EZR: variants seen among roughly 807,000 people sequenced by gnomAD.
The protein encoded by EZR is cytovillin 2.
Under a neutral mutation model 74.8 loss-of-function variants are expected in EZR, and 40 were observed. That is an observed-to-expected ratio of 0.53 (90% confidence interval 0.42 to 0.70). The LOEUF (loss-of-function observed/expected upper bound fraction) is 0.70. Ranked by LOEUF, EZR falls within the 30% of genes least tolerant of loss-of-function variation. EZR has a pLI of 0.00. For synonymous variants in EZR, 341 were observed against 283.3 expected (o/e 1.20, Z -2.05); for missense variants, 678 against 755.8 (o/e 0.90, Z 1.21).
At chr6:158,804,335 A>G (rs953839658) in intron 2 of EZR, among the ~76,000 whole-genome samples, 8 of 152,356 alleles carry the variant, frequency 5.3e-5, no homozygotes, top group African/African-American at 1.9e-4. Flanking sequence ...TATTCTTTCT[A>G]GAAACACAAT....
Position 158,798,840 on chromosome 6 carries a change from G to A in EZR, c.13-9469C>T, listed in dbSNP as rs889710068. Among the ~76,000 whole-genome samples, 7 of 151,830 alleles carry A rather than the reference G, an allele frequency of 4.6e-5. No individual in the cohort carries two copies. In the South Asian group the frequency reaches 1.3e-3, roughly 27 times the overall value. On this transcript the variant is annotated intron_variant, in intron 2 of 13. Coordinates refer to ENST00000367075, the MANE Select transcript of EZR (RefSeq NM_001111077.2). Reference sequence around the variant, plus strand: ...GATGGAGTTTCACCATGTTGCCCAGGGTGGCCTCGAACTCCTGACCTCAAG... The same window carrying A: ...GATGGAGTTTCACCATGTTGCCCAGAGTGGCCTCGAACTCCTGACCTCAAG...
chr6:158,800,732 G>T (rs193118394), intron 2 of EZR, among the ~76,000 whole-genome samples: 3 of 152,154 alleles, frequency 2.0e-5, no homozygotes, highest in Admixed American at 2.0e-4. Context: ...AACCTGGGAG[G>T]TGGAGGCTGC....
At chr6:158,784,786 A>G in intron 5 of EZR, 59 bp from the exon 6 acceptor site, 3 of 1,426,674 alleles carry the variant, frequency 2.1e-6, no homozygotes, top group Non-Finnish European at 3.0e-6. Flanking sequence ...GCAAGGAAGG[A>G]GGCCCACTTA....
intron 6 of EZR, among the ~76,000 whole-genome samples, chr6:158,784,330 A>G (rs1354669027): frequency 6.6e-6 from 1 of 152,226 alleles, no homozygotes; most frequent in African/African-American, 2.4e-5. Context: ...TCTTTGACAG[A>G]ATAATGCTGA....
intron 2 of EZR, among the ~76,000 whole-genome samples, chr6:158,796,240 C>A (rs568104690): frequency 6.6e-6 from 1 of 152,232 alleles, no homozygotes; most frequent in Non-Finnish European, 1.5e-5. Context: ...AAGTACCCCT[C>A]CAGGCAGACA....
chr6:158,769,852 C>T lies in EZR; in HGVS notation c.1183G>A (p.Ala395Thr), dbSNP rs1791042315. The T allele has an allele frequency of 6.2e-7, 1 of 1,614,018 alleles. No homozygotes were observed. The highest frequency in any genetic ancestry group is 8.5e-7 in the Non-Finnish European group (1 of 1,180,048). ...AGCTCCTCCTTAGCCCGCAGTGCAG[C>T]CATACGGTCAGCCTCTAGGCGCTCG... The part of the protein sequence containing the change: ...EAERLEADRM[A>T]ALRAKEELER... The change falls in exon 11 of 14, where the codon GCT becomes ACT. Residue 395 changes from alanine to threonine, a missense_variant. Transcript: ENST00000367075.
chr6:158,784,509 C>T (rs1334055705), intron 6 of EZR, 135 bp downstream of exon 6: 9 of 729,326 alleles, frequency 1.2e-5, no homozygotes, highest in Middle Eastern at 2.7e-4. Context: ...GAAAACCCCA[C>T]TTTTAACTCG....
intron 4 of EZR, among the ~76,000 whole-genome samples, 191 bp downstream of exon 4, chr6:158,786,915 GGA>G (rs1390982690): frequency 6.6e-6 from 1 of 151,848 alleles, no homozygotes; most frequent in Non-Finnish European, 1.5e-5. Flanking sequence ...TGAGCACTAT[GGA>G]GAAATGCCAG....
chr6:158,767,605 G>A (rs1158675836), intron 12 of EZR, 93 bp from the exon 13 acceptor site: 34 of 1,377,302 alleles, frequency 2.5e-5, no homozygotes, highest in Non-Finnish European at 3.0e-5. Context: ...TGTCCTGGCA[G>A]GCTAAGGCAG....
chr6:158,779,399 A>G (rs965954370), intron 7 of EZR, among the ~76,000 whole-genome samples: 2 of 152,198 alleles, frequency 1.3e-5, no homozygotes, highest in African/African-American at 4.8e-5. Context: ...CATCAGTGAG[A>G]CAACTGATTA....
At chr6:158,769,563 C>T (rs1562489473) in intron 11 of EZR, 145 bp from the exon 12 acceptor site, 13 of 1,036,962 alleles carry the variant, frequency 1.3e-5, no homozygotes, top group Non-Finnish European at 1.9e-5. Flanking sequence ...CAGCAGGGTC[C>T]ATTGTGCACC....
At position 158,766,500 on chromosome 6, in the gene EZR, T is replaced by TA. The variant is rs1375395176; in HGVS notation, c.*413dup. ...ACAAAGATGGATCCTTCATAGAAAT[T>TA]AAAAAATCAATTTGAGCTCATTTCG... On this transcript the variant is annotated 3_prime_UTR_variant, in exon 14 of 14. Coordinates refer to ENST00000367075, the MANE Select transcript of EZR (RefSeq NM_001111077.2). 1.8e-5 allele frequency: 3 copies of TA among 162,230 alleles called. No individual in the cohort carries two copies. Among genetic ancestry groups the TA allele is most frequent in the Non-Finnish European group, 2.7e-5 (2 of 74,790 alleles). 10.0% of individuals were successfully genotyped at this position (162,230 alleles called of 1,614,324 possible).
At chr6:158,819,279 A>G (rs1447864628) in intron 1 of EZR, 38 bp downstream of exon 1, 1 of 141,466 alleles carries the variant, frequency 7.1e-6, no homozygotes, top group Non-Finnish European at 1.6e-5. Context: ...CCCCCCGCCC[A>G]GAACCCCCGT....
At chr6:158,803,383 C>T (rs113156511) in intron 2 of EZR, among the ~76,000 whole-genome samples, 385 of 151,068 alleles carry the variant, frequency 2.5e-3, no homozygotes, top group African/African-American at 8.8e-3. Flanking sequence ...AGACCCTCAA[C>T]TTCTGGTAAT....
At chr6:158,800,240 TATATATATC>T (rs1423642701) in intron 2 of EZR, among the ~76,000 whole-genome samples, 3 of 152,200 alleles carry the variant, frequency 2.0e-5, no homozygotes, top group Non-Finnish European at 4.4e-5. Flanking sequence ...GAAGTCTCTC[TATATATATC>T]ATCAATTTAT....
chr6:158,796,261 C>T (rs968438089), intron 2 of EZR, among the ~76,000 whole-genome samples: 2 of 152,256 alleles, frequency 1.3e-5, no homozygotes, highest in Non-Finnish European at 2.9e-5. Flanking sequence ...CACGACAGCA[C>T]AGGTGTTACC....
At position 158,816,459 on chromosome 6, in the gene EZR, T is replaced by C. The variant is rs571918534; in HGVS notation, c.12+1623A>G. ...TAGCTGAGCTCTGCACCTCTTCTTT[T>C]AGTGAAATAAAGAAAACCACACCCA... On this transcript the variant is annotated intron_variant, in intron 2 of 13. Coordinates refer to ENST00000367075, the MANE Select transcript of EZR (RefSeq NM_001111077.2). 2.0e-5 allele frequency among the ~76,000 whole-genome samples: 3 copies of C among 152,302 alleles called. No individual in the cohort carries two copies. In the South Asian group the frequency reaches 6.2e-4, roughly 32 times the overall value.
intron 11 of EZR, 147 bp from the exon 12 acceptor site, chr6:158,769,565 T>C (rs1006668698): frequency 8.7e-6 from 9 of 1,034,680 alleles, no homozygotes; most frequent in East Asian, 2.5e-5. Context: ...GCAGGGTCCA[T>C]TGTGCACCCC....
Position 158,769,027 on chromosome 6 carries a change from G to C in EZR, c.1344+299C>G, listed in dbSNP as rs139112301. ...GACCGGGGGCTGTCAGATCAGCACT[G>C]AACAGTTCGGGGTGGAGGGAGCAAA... On this transcript the variant is annotated intron_variant, in intron 12 of 13. Transcript: ENST00000367075. Among the ~76,000 whole-genome samples the C allele has an allele frequency of 1.3e-4, 20 of 152,346 alleles. No individual in the cohort carries two copies. The East Asian group carries it at 2.9e-3, about 22-fold the overall frequency.
Sources: allele counts gnomAD v4.1 joint callset (sites outside exome capture counted in the v4.1 genomes callset), GRCh38; gene constraint gnomAD v4.1.1; transcripts MANE v1.5; gene names NCBI Gene and HGNC (gene_info 2026-07-23, HGNC 2026-07-21).